Variants in TNFSF4 observed in about 807,000 individuals in gnomAD.
The protein encoded by TNFSF4 is TNF superfamily member 4.
A neutral mutation model predicts 7.3 loss-of-function variants in TNFSF4; 4 were observed. That is an observed-to-expected ratio of 0.55 (90% confidence interval 0.27 to 1.25). The LOEUF is 1.25. Among genes scored for constraint, TNFSF4 ranks in the 50% most tolerant of loss-of-function variants. The pLI, the probability that TNFSF4 is intolerant of heterozygous loss-of-function variation, is 0.12. For synonymous variants in TNFSF4, 76 were observed against 83.7 expected (o/e 0.91, Z 0.50); for missense variants, 181 against 208.8 (o/e 0.87, Z 0.82).
At chr1:173,324,665 G>A in the TNFSF4 span, among the ~76,000 whole-genome samples, 7 of 152,104 alleles carry the variant, frequency 4.6e-5, no homozygotes, top group African/African-American at 1.7e-4. Flanking sequence ...AGGGATGGAG[G>A]AAGATCTACC....
At chr1:173,428,417 T>C in the TNFSF4 span, among the ~76,000 whole-genome samples, 1 of 152,212 alleles carries the variant, frequency 6.6e-6, no homozygotes, top group Non-Finnish European at 1.5e-5. Context: ...ACTCAGTTTT[T>C]CAACTGATTG....
chr1:173,234,909 G>A, the TNFSF4 span, among the ~76,000 whole-genome samples: 4 of 152,066 alleles, frequency 2.6e-5, no homozygotes, highest in Non-Finnish European at 5.9e-5. Context: ...AAACCTGCAC[G>A]TTGTGTGCAC....
At chr1:173,433,392 T>C in the TNFSF4 span, among the ~76,000 whole-genome samples, 1 of 151,934 alleles carries the variant, frequency 6.6e-6, no homozygotes, top group African/African-American at 2.4e-5. Context: ...TAAACAAACA[T>C]CTCTTAAGAA....
chr1:173,233,126 G>A, the TNFSF4 span, among the ~76,000 whole-genome samples: 1 of 152,152 alleles, frequency 6.6e-6, no homozygotes, highest in Non-Finnish European at 1.5e-5. Context: ...GTGTAGAGAA[G>A]ACCTTAAATG....
intron 1 of TNFSF4, among the ~76,000 whole-genome samples, chr1:173,203,031 A>G (rs1365618720): frequency 6.6e-6 from 1 of 152,048 alleles, no homozygotes; most frequent in East Asian, 1.9e-4. Context: ...CTGCATCTTG[A>G]CTGTGAGTGT....
At chr1:173,216,096 A>G in the TNFSF4 span, among the ~76,000 whole-genome samples, 1 of 152,284 alleles carries the variant, frequency 6.6e-6, no homozygotes, top group East Asian at 1.9e-4. Flanking sequence ...GACTCAGAAG[A>G]CTAAGCGCAG....
chr1:173,348,750 T>C, the TNFSF4 span, among the ~76,000 whole-genome samples: 1 of 152,108 alleles, frequency 6.6e-6, no homozygotes, highest in African/African-American at 2.4e-5. Context: ...ATTAACATCA[T>C]AAGAAGATAC....
At chr1:173,225,201 T>G in the TNFSF4 span, among the ~76,000 whole-genome samples, 2 of 152,152 alleles carry the variant, frequency 1.3e-5, no homozygotes, top group Non-Finnish European at 2.9e-5. Context: ...CAGAAGACCT[T>G]CTCCAGGCAC....
the TNFSF4 span, among the ~76,000 whole-genome samples, chr1:173,388,706 C>G: frequency 1.3e-5 from 2 of 152,250 alleles, no homozygotes; most frequent in South Asian, 4.1e-4. Context: ...ATTTGTTTTA[C>G]AAAACATAAT....
chr1:173,377,606 A>T, the TNFSF4 span, among the ~76,000 whole-genome samples: 1 of 152,160 alleles, frequency 6.6e-6, no homozygotes, highest in East Asian at 1.9e-4. Flanking sequence ...TTCTCTGAGG[A>T]TAGTCCCACT....
chr1:173,259,965 C>T, the TNFSF4 span, among the ~76,000 whole-genome samples: 2 of 152,158 alleles, frequency 1.3e-5, no homozygotes, highest in African/African-American at 2.4e-5. Context: ...GACAGACCAA[C>T]ATTCAAATTC....
At chr1:173,173,402 G>C in the TNFSF4 span, among the ~76,000 whole-genome samples, 1 of 152,346 alleles carries the variant, frequency 6.6e-6, no homozygotes, top group South Asian at 2.1e-4. Context: ...TATAATGGGA[G>C]TACAGGCACT....
chr1:173,406,706 G>A, the TNFSF4 span, among the ~76,000 whole-genome samples: 12,153 of 152,198 alleles, frequency 0.08, 692 homozygotes, highest in East Asian at 0.27. Flanking sequence ...CTCTGTGTCT[G>A]TTGTGCCCAG....
the TNFSF4 span, among the ~76,000 whole-genome samples, chr1:173,234,447 A>G: frequency 1.3e-5 from 2 of 152,244 alleles, no homozygotes; most frequent in African/African-American, 2.4e-5. Flanking sequence ...ATTACTGGGT[A>G]TATACCCAAA....
chr1:173,446,277 A>G, the TNFSF4 span, among the ~76,000 whole-genome samples: 1 of 152,142 alleles, frequency 6.6e-6, no homozygotes, highest in Non-Finnish European at 1.5e-5. Flanking sequence ...AAAAAAAAGA[A>G]CCATCTTACA....
At chr1:173,244,656 A>AC in the TNFSF4 span, among the ~76,000 whole-genome samples, 5 of 140,068 alleles carry the variant, frequency 3.6e-5, 1 homozygote, top group African/African-American at 1.2e-4. Flanking sequence ...AAAAACAAAA[A>AC]ACAAAAAAAA....
the TNFSF4 span, among the ~76,000 whole-genome samples, chr1:173,383,555 A>T: frequency 6.6e-6 from 1 of 152,250 alleles, no homozygotes; most frequent in Non-Finnish European, 1.5e-5. Flanking sequence ...GATTCTGGAA[A>T]GAGACACTGT....
the TNFSF4 span, among the ~76,000 whole-genome samples, chr1:173,356,168 C>G: frequency 6.6e-6 from 1 of 152,174 alleles, no homozygotes; most frequent in African/African-American, 2.4e-5. Context: ...GAGGGATGCT[C>G]TGGCTTTTCA....
chr1:173,374,933 C>G, the TNFSF4 span, among the ~76,000 whole-genome samples: 105 of 152,314 alleles, frequency 6.9e-4, no homozygotes, highest in African/African-American at 2.3e-3. Context: ...CACATACTCT[C>G]ATAGGATTTC....
Sources: allele counts gnomAD v4.1 joint callset (sites outside exome capture counted in the v4.1 genomes callset), GRCh38; gene constraint gnomAD v4.1.1; transcripts MANE v1.5; gene names NCBI Gene and HGNC (gene_info 2026-07-23, HGNC 2026-07-21).